The following DACH1 variants were observed in gnomAD, a reference collection of about 807,000 sequenced individuals.
The protein encoded by DACH1 is dachshund family transcription factor 1.
DACH1 carries 12 observed loss-of-function variants against 54.2 expected under a neutral mutation model. The observed-to-expected ratio is 0.22, with a 90% CI of 0.14 to 0.36. The LOEUF is 0.36. Among genes scored for constraint, DACH1 ranks in the 10% least tolerant of loss-of-function variants. DACH1 has a pLI of 1.00. For synonymous variants in DACH1, 386 were observed against 366.2 expected (o/e 1.05, Z -0.62); for missense variants, 805 against 929.8 (o/e 0.87, Z 1.75).
At chr13:71,573,043 T>A in intron 3 of DACH1, 31 bp from the exon 4 acceptor site, 1 of 1,591,420 alleles carries the variant, frequency 6.3e-7, no homozygotes, top group Non-Finnish European at 8.6e-7. Flanking sequence ...TCATCATTGC[T>A]CTGGAGGACA....
intron 1 of DACH1, among the ~76,000 whole-genome samples, chr13:71,842,387 C>A (rs888748583): frequency 1.3e-5 from 2 of 148,954 alleles, no homozygotes; most frequent in African/African-American, 5.0e-5. Context: ...CCAGCCTGGG[C>A]AAAATGGCAA....
intron 10 of DACH1, among the ~76,000 whole-genome samples, chr13:71,455,366 A>T (rs1211696293): frequency 6.6e-6 from 1 of 152,076 alleles, no homozygotes; most frequent in Non-Finnish European, 1.5e-5. Flanking sequence ...AGATAGATAT[A>T]TCCATATCTA....
intron 1 of DACH1, among the ~76,000 whole-genome samples, chr13:71,779,244 TAC>T (rs1886248356): frequency 1.2e-5 from 1 of 83,020 alleles, no homozygotes; most frequent in Non-Finnish European, 2.2e-5. Flanking sequence ...TACACATATA[TAC>T]GTATATACGT....
At chr13:71,544,066 T>C (rs933242912) in intron 6 of DACH1, among the ~76,000 whole-genome samples, 1 of 152,140 alleles carries the variant, frequency 6.6e-6, no homozygotes, top group Non-Finnish European at 1.5e-5. Context: ...CCTTCTCTCT[T>C]AATACGATAG....
chr13:71,807,815 C>A (rs2138142665), intron 1 of DACH1, among the ~76,000 whole-genome samples: 1 of 152,192 alleles, frequency 6.6e-6, no homozygotes, highest in South Asian at 2.1e-4. Flanking sequence ...TTCAAAATCC[C>A]AAATATTTCT....
chr13:71,748,902 T>C (rs71451476), intron 1 of DACH1, among the ~76,000 whole-genome samples: 2,506 of 25,666 alleles, frequency 0.098, 112 homozygotes, highest in African/African-American at 0.17. Context: ...TTCTTTCTCT[T>C]TCTTTCTTTC....
At chr13:71,602,736 T>A (rs1874588247) in intron 3 of DACH1, among the ~76,000 whole-genome samples, 1 of 151,976 alleles carries the variant, frequency 6.6e-6, no homozygotes, top group Non-Finnish European at 1.5e-5. Flanking sequence ...AATGGAGAAA[T>A]TCTGTCAATA....
At chr13:71,511,770 A>G (rs918010249) in intron 6 of DACH1, among the ~76,000 whole-genome samples, 2 of 152,010 alleles carry the variant, frequency 1.3e-5, no homozygotes, top group Non-Finnish European at 2.9e-5. Flanking sequence ...GCCTTTATAC[A>G]TATGCCACTT....
chr13:71,713,352 C>T (rs1289058786), intron 1 of DACH1, among the ~76,000 whole-genome samples: 1 of 152,036 alleles, frequency 6.6e-6, no homozygotes, highest in South Asian at 2.1e-4. Flanking sequence ...GAGATTAATT[C>T]AATGGTCTAA....
At chr13:71,499,619 C>T (rs1879743469) in intron 6 of DACH1, among the ~76,000 whole-genome samples, 2 of 152,054 alleles carry the variant, frequency 1.3e-5, no homozygotes, top group African/African-American at 2.4e-5. Flanking sequence ...AGGTGATATG[C>T]CTGCTATGAG....
intron 1 of DACH1, among the ~76,000 whole-genome samples, chr13:71,720,567 A>G (rs895557175): frequency 1.1e-4 from 16 of 152,274 alleles, no homozygotes; most frequent in Admixed American, 6.5e-4. Context: ...AAAGCACTCC[A>G]TGGTGTTTAA....
rs1175194281 is a variant in DACH1 at position 71,817,807 on chromosome 13, TTTCTTCC to T, written c.848+48108_848+48114del. 5.1e-5 allele frequency among the ~76,000 whole-genome samples: 7 copies of T among 136,944 alleles called. No homozygotes were observed. In the South Asian group the frequency reaches 1.4e-3, roughly 28 times the overall value. The allele number at this position is 136,944 out of a possible 152,430, so 89.8% of individuals were successfully genotyped here. A position where few individuals can be genotyped will look rare whatever the true frequency, so the allele number is the denominator to read the frequency against. On this transcript the variant is annotated intron_variant, in intron 1 of 10. Coordinates refer to ENST00000613252, the MANE Select transcript of DACH1 (RefSeq NM_080759.6). ...ACTAAATATTTTCTTTCTTTCTTTC[TTTCTTCC>T]TTTTTTTTTTTTTTTTTTGAGACAG...
intron 4 of DACH1, among the ~76,000 whole-genome samples, chr13:71,567,187 A>G (rs1884942484): frequency 6.6e-6 from 1 of 152,052 alleles, no homozygotes; most frequent in Non-Finnish European, 1.5e-5. Context: ...AGATCAGCAA[A>G]GAAAATTAAC....
chr13:71,831,964 C>A (rs767139463), intron 1 of DACH1, among the ~76,000 whole-genome samples: 1 of 151,950 alleles, frequency 6.6e-6, no homozygotes, highest in African/African-American at 2.4e-5. Flanking sequence ...CCTGTCCACA[C>A]TGCTGACCAG....
At chr13:71,536,472 A>C (rs1882814323) in intron 6 of DACH1, among the ~76,000 whole-genome samples, 1 of 152,114 alleles carries the variant, frequency 6.6e-6, no homozygotes, top group Non-Finnish European at 1.5e-5. Context: ...GTGCTCTAAG[A>C]GACAGAGCAT....
At chr13:71,791,360 T>A (rs112989844) in intron 1 of DACH1, among the ~76,000 whole-genome samples, 1 of 152,056 alleles carries the variant, frequency 6.6e-6, no homozygotes, top group Non-Finnish European at 1.5e-5. Flanking sequence ...GAGCTATTCT[T>A]TGTTTGTTTG....
At chr13:71,518,721 CA>C (rs1194183553) in intron 6 of DACH1, among the ~76,000 whole-genome samples, 2 of 151,468 alleles carry the variant, frequency 1.3e-5, no homozygotes, top group Non-Finnish European at 3.0e-5. Context: ...GAGAGGCTGA[CA>C]GGGGTGACTG....
At chr13:71,506,989 G>A (rs997764343) in intron 6 of DACH1, among the ~76,000 whole-genome samples, 2 of 151,310 alleles carry the variant, frequency 1.3e-5, no homozygotes, top group East Asian at 3.9e-4. Context: ...TCAGGACATA[G>A]GCATGGGCAA....
rs371118588 is a variant in DACH1 at position 71,815,327 on chromosome 13, GT to G, written c.848+50594del. Among the ~76,000 whole-genome samples, 12 of 150,334 alleles carry G rather than the reference GT, an allele frequency of 8.0e-5. No homozygotes were observed. In the East Asian group the frequency reaches 8.1e-4, roughly 10 times the overall value. ...ATTCATGTTGTTCTTAAAAAAGGGGGTGGGCGGGGGGAGTAGCTGAGCGAGA... is the reference window on the plus strand; with the variant it reads ...ATTCATGTTGTTCTTAAAAAAGGGGGGGGCGGGGGGAGTAGCTGAGCGAGA... On this transcript the variant is annotated intron_variant, in intron 1 of 10. Transcript: ENST00000613252.
Sources: gnomAD v4.1 joint callset for allele counts (sites outside exome capture counted in the v4.1 genomes callset) on GRCh38, gnomAD v4.1.1 for gene constraint, MANE v1.5 for transcripts, NCBI Gene and HGNC (gene_info 2026-07-23, HGNC 2026-07-21) for gene names.